Variants in ARHGAP15 observed in about 807,000 individuals in gnomAD.
ARHGAP15 encodes the protein rho GTPase-activating protein 15.
In ARHGAP15, 51 loss-of-function variants were observed where a neutral mutation model predicts 63.7. The observed-to-expected ratio is 0.80, with a 90% CI of 0.64 to 1.01. ARHGAP15 has a LOEUF of 1.01. Ranked by LOEUF, ARHGAP15 falls within the 50% of genes least tolerant of loss-of-function variation. The pLI is 0.00. For missense variants in ARHGAP15, 560 were observed against 564.6 expected, an observed-to-expected ratio of 0.99 and a Z score of 0.08; for synonymous variants, 191 against 193.8, an observed-to-expected ratio of 0.99 and a Z score of 0.12.
chr2:143,189,327 C>A (rs890760563), intron 2 of ARHGAP15, among the ~76,000 whole-genome samples: 1 of 152,046 alleles, frequency 6.6e-6, no homozygotes, highest in South Asian at 2.1e-4. Flanking sequence ...ATTTATTGTA[C>A]AGGGCACTTG....
chr2:143,599,953 A>C (rs1435846925), intron 11 of ARHGAP15, among the ~76,000 whole-genome samples: 3 of 152,136 alleles, frequency 2.0e-5, no homozygotes, highest in African/African-American at 7.2e-5. Flanking sequence ...TGCCCCCCTA[A>C]AACATAACCA....
intron 6 of ARHGAP15, among the ~76,000 whole-genome samples, chr2:143,260,102 A>G (rs1680645237): frequency 6.6e-6 from 1 of 152,112 alleles, no homozygotes; most frequent in African/African-American, 2.4e-5. Context: ...CATTTATTCA[A>G]TTGTTATATT....
intron 5 of ARHGAP15, among the ~76,000 whole-genome samples, chr2:143,229,486 C>A (rs1271007035): frequency 6.6e-6 from 1 of 152,128 alleles, no homozygotes; most frequent in Non-Finnish European, 1.5e-5. Context: ...GTTACTGGGG[C>A]AATTCAAGCT....
chr2:143,404,600 T>G (rs1049848356), intron 6 of ARHGAP15, among the ~76,000 whole-genome samples: 2 of 151,980 alleles, frequency 1.3e-5, no homozygotes, highest in Non-Finnish European at 2.9e-5. Context: ...AATATTTGAT[T>G]TAAACAGTCT....
chr2:143,602,814 C>T (rs1334008087), intron 11 of ARHGAP15, among the ~76,000 whole-genome samples: 2 of 152,010 alleles, frequency 1.3e-5, no homozygotes, highest in Non-Finnish European at 2.9e-5. Flanking sequence ...AGTGTTATTC[C>T]TCCAATACAA....
At position 143,207,495 on chromosome 2, in the gene ARHGAP15, A is replaced by AACACAC. The variant is rs70982851; in HGVS notation, c.234+5317_234+5322dup. ...TCCCATTGACACACACACACACATA[A>AACACAC]ACACACACACACACACACACACACA... On this transcript the variant is annotated intron_variant, in intron 3 of 13. Transcript: ENST00000295095. Among the ~76,000 whole-genome samples the AACACAC allele has an allele frequency of 1.5e-3, 224 of 145,850 alleles. 2 individuals are homozygous for AACACAC. The highest frequency in any genetic ancestry group is 6.5e-4 in the African/African-American group (26 of 39,978).
At chr2:143,155,414 A>G in intron 1 of ARHGAP15, 63 bp from the exon 2 acceptor site, 1 of 1,408,458 alleles carries the variant, frequency 7.1e-7, no homozygotes, top group African/African-American at 1.5e-5. Context: ...GGGACACTCC[A>G]TCAAGAGTTT....
chr2:143,363,444 G>A (rs1300750336), intron 6 of ARHGAP15, among the ~76,000 whole-genome samples: 2 of 152,078 alleles, frequency 1.3e-5, no homozygotes, highest in African/African-American at 4.8e-5. Flanking sequence ...ACAGTGAGCC[G>A]AGATTGAGCC....
rs373847590 is a variant in ARHGAP15, at chr2:143,605,858, C to CAAAAAAAAAAAAAAA, written c.1004-18261_1004-18247dup. ...GTGAAACCCTGTCTCTACTAAAATA[C>CAAAAAAAAAAAAAAA]AAAAAAAAAAAAAAAAAAAAAAAAA... On this transcript the variant is annotated intron_variant, in intron 11 of 13. Transcript: ENST00000295095. Among the ~76,000 whole-genome samples the CAAAAAAAAAAAAAAA allele has an allele frequency of 1.2e-3, 104 of 85,288 alleles. 1 individual carries two copies. Among genetic ancestry groups the CAAAAAAAAAAAAAAA allele is most frequent in the Non-Finnish European group, 1.7e-3 (71 of 42,470 alleles). The allele number at this position is 85,288 out of a possible 152,430, so 56.0% of individuals were successfully genotyped here. A position where few individuals can be genotyped will look rare whatever the true frequency, so the allele number is the denominator to read the frequency against.
At chr2:143,756,546 T>A (rs903361552) in intron 13 of ARHGAP15, among the ~76,000 whole-genome samples, 4 of 152,076 alleles carry the variant, frequency 2.6e-5, no homozygotes, top group African/African-American at 9.7e-5. Context: ...TATTGGTGTA[T>A]CAGCAGAGCT....
At chr2:143,330,116 A>AAAAAAAC (rs1684461394) in intron 6 of ARHGAP15, among the ~76,000 whole-genome samples, 1 of 86,862 alleles carries the variant, frequency 1.2e-5, no homozygotes, top group African/African-American at 4.4e-5. Context: ...AAAAAAAAAA[A>AAAAAAAC]AAAAAAAAAA....
At chr2:143,542,641 T>TATATATATGATATATATTATATATATG (rs1321546749) in intron 10 of ARHGAP15, among the ~76,000 whole-genome samples, 1 of 143,354 alleles carries the variant, frequency 7.0e-6, no homozygotes, top group Non-Finnish European at 1.5e-5. Context: ...TGATTTAAAA[T>TATATATATGATATATATTATATATATG]ATATATATGA....
intron 12 of ARHGAP15, among the ~76,000 whole-genome samples, chr2:143,628,956 T>C (rs1367612937): frequency 6.6e-6 from 1 of 152,112 alleles, no homozygotes; most frequent in Non-Finnish European, 1.5e-5. Context: ...GATTGGGAGA[T>C]CTGTTACTCT....
At chr2:143,694,709 C>T (rs1290317678) in intron 12 of ARHGAP15, among the ~76,000 whole-genome samples, 3 of 152,282 alleles carry the variant, frequency 2.0e-5, no homozygotes, top group Non-Finnish European at 4.4e-5. Context: ...TAATTAATAA[C>T]TCTCTCTGCT....
intron 11 of ARHGAP15, among the ~76,000 whole-genome samples, chr2:143,620,609 T>G (rs531146178): frequency 1.3e-5 from 2 of 152,342 alleles, no homozygotes; most frequent in East Asian, 3.9e-4. Flanking sequence ...ACACAGTGAT[T>G]TTAAACATAG....
At chr2:143,468,655 A>AGTGT (rs1366540841) in intron 8 of ARHGAP15, among the ~76,000 whole-genome samples, 62 of 128,206 alleles carry the variant, frequency 4.8e-4, no homozygotes, top group Non-Finnish European at 8.3e-4. Context: ...AGAGAGAGAG[A>AGTGT]GAGAGAGAGT....
intron 12 of ARHGAP15, among the ~76,000 whole-genome samples, chr2:143,695,125 CAA>C (rs1047119873): frequency 6.6e-6 from 1 of 151,464 alleles, no homozygotes; most frequent in Non-Finnish European, 1.5e-5. Context: ...TCAAATGACT[CAA>C]AATAGTAAAG....
intron 9 of ARHGAP15, among the ~76,000 whole-genome samples, chr2:143,501,491 C>T (rs756423250): frequency 5.3e-5 from 8 of 152,124 alleles, no homozygotes; most frequent in Non-Finnish European, 1.2e-4. Context: ...ACATAATTAC[C>T]AGTTGAAGAA....
chr2:143,656,494 C>A (rs967991876), intron 12 of ARHGAP15, among the ~76,000 whole-genome samples: 3 of 152,152 alleles, frequency 2.0e-5, no homozygotes, highest in African/African-American at 7.2e-5. Flanking sequence ...TTTTTAAAAG[C>A]AAGAAAAGCC....
Sources: allele counts gnomAD v4.1 joint callset (sites outside exome capture counted in the v4.1 genomes callset), GRCh38; gene constraint gnomAD v4.1.1; transcripts MANE v1.5; gene names NCBI Gene and HGNC (gene_info 2026-07-23, HGNC 2026-07-21).